The following PIK3AP1 variants were observed in gnomAD, a reference collection of about 807,000 sequenced individuals.
The protein encoded by PIK3AP1 is phosphoinositide-3-kinase adaptor protein 1, also known as phosphoinositide 3-kinase adapter protein 1.
PIK3AP1 carries 21 observed loss-of-function variants against 88.1 expected under a neutral mutation model. The ratio of observed to expected loss-of-function variants is 0.24; its 90% CI spans 0.17 to 0.34. PIK3AP1 has a LOEUF of 0.34. PIK3AP1 is among the 10% of genes least tolerant of loss of function. PIK3AP1 has a pLI of 1.00. For synonymous variants in PIK3AP1, 398 were observed against 400.0 expected (o/e 1.00, Z 0.06); for missense variants, 828 against 1,035.7 (o/e 0.80, Z 2.75).
rs143499575 is a variant in PIK3AP1, at chr10:96,655,649, G to C, written c.567+1149C>G. 7.1e-4 allele frequency among the ~76,000 whole-genome samples: 108 copies of C among 152,162 alleles called. 1 individual carries two copies. In the East Asian group the frequency reaches 0.02, roughly 29 times the overall value. On this transcript the variant is annotated intron_variant, in intron 3 of 16. Transcript: ENST00000339364. ...ACCTGGTGGGAGGTGATTGAATTAT[G>C]GGGGGGCGGGTCTTTCCTGTGCTGT...
intron 10 of PIK3AP1, among the ~76,000 whole-genome samples, chr10:96,624,734 G>C (rs1169257236): frequency 6.6e-6 from 1 of 151,860 alleles, no homozygotes; most frequent in South Asian, 2.1e-4. Context: ...TGCAAGAGCT[G>C]AGAGATGAAC....
intron 2 of PIK3AP1, among the ~76,000 whole-genome samples, chr10:96,673,395 G>A (rs1843874314): frequency 6.6e-6 from 1 of 152,158 alleles, no homozygotes. Flanking sequence ...CCACACCTGT[G>A]AGAAAGTGCT....
intron 8 of PIK3AP1, among the ~76,000 whole-genome samples, chr10:96,641,677 G>A (rs1843391307): frequency 1.3e-5 from 2 of 152,130 alleles, no homozygotes; most frequent in South Asian, 2.1e-4. Context: ...CTGGGAATTC[G>A]AAGACACAGA....
intron 8 of PIK3AP1, among the ~76,000 whole-genome samples, chr10:96,634,180 A>G (rs1300687722): frequency 6.6e-6 from 1 of 152,230 alleles, no homozygotes; most frequent in African/African-American, 2.4e-5. Flanking sequence ...GCGAGAGGCC[A>G]ACCTTCAGGA....
rs778677275 is a variant in PIK3AP1, at chr10:96,626,839, T to C, written c.1538A>G (p.Tyr513Cys). The change falls in exon 10 of 17, where the codon TAT becomes TGT. Residue 513 changes from tyrosine (Y) to cysteine (C), a missense_variant. By Grantham distance (194) the Tyr-to-Cys change is radical. This residue lies in a region of PIK3AP1 where 610 missense variants were observed against 760.1 expected (regional missense o/e 0.80). Coordinates refer to ENST00000339364, the MANE Select transcript of PIK3AP1 (RefSeq NM_152309.3). ...GGCCTCATCGTCATCCACCGTGTGA[T>C]AAACATCTTCTTCCTGACCAAGATG... ...QCHLGQEEDV[Y>C]HTVDDDEAFS... 3 of 1,614,208 alleles carry C rather than the reference T, an allele frequency of 1.9e-6. No homozygotes were observed. The highest frequency in any genetic ancestry group is 2.2e-5 in the East Asian group (1 of 44,890).
At chr10:96,643,739 T>A (rs1843422157) in intron 8 of PIK3AP1, among the ~76,000 whole-genome samples, 1 of 152,172 alleles carries the variant, frequency 6.6e-6, no homozygotes, top group African/African-American at 2.4e-5. Context: ...CTCCAAGGCA[T>A]CCTGTTGGTG....
chr10:96,648,946 TG>T (rs1447203809), intron 6 of PIK3AP1, 91 bp from the exon 7 acceptor site: 3 of 1,110,136 alleles, frequency 2.7e-6, no homozygotes, highest in Non-Finnish European at 3.7e-6. Context: ...AAGACTAGCA[TG>T]GCAACAGAAA....
At chr10:96,694,769 G>A (rs1443484767) in intron 2 of PIK3AP1, among the ~76,000 whole-genome samples, 1 of 151,992 alleles carries the variant, frequency 6.6e-6, no homozygotes, top group Non-Finnish European at 1.5e-5. Flanking sequence ...AAACTCCTGG[G>A]CTCAAGCAAT....
chr10:96,640,868 G>T (rs1266748151), intron 8 of PIK3AP1, among the ~76,000 whole-genome samples: 4 of 151,970 alleles, frequency 2.6e-5, no homozygotes. Flanking sequence ...TTGCTATGCT[G>T]CCCAGGCTGG....
At chr10:96,695,484 T>C (rs1844208028) in intron 2 of PIK3AP1, among the ~76,000 whole-genome samples, 2 of 152,222 alleles carry the variant, frequency 1.3e-5, no homozygotes, top group Admixed American at 6.5e-5. Context: ...TCCCCCGCTA[T>C]TTCCTGTGTT....
At chr10:96,678,904 C>A (rs1843962004) in intron 2 of PIK3AP1, among the ~76,000 whole-genome samples, 1 of 152,114 alleles carries the variant, frequency 6.6e-6, no homozygotes, top group Non-Finnish European at 1.5e-5. Flanking sequence ...AGGAGAGCGA[C>A]CCACTAATAC....
chr10:96,598,197 C>G (rs753927545), intron 16 of PIK3AP1, among the ~76,000 whole-genome samples: 1 of 151,984 alleles, frequency 6.6e-6, no homozygotes, highest in Non-Finnish European at 1.5e-5. Context: ...GCACACACCA[C>G]CACACCTGGC....
At chr10:96,620,041 G>A (rs975607562) in intron 12 of PIK3AP1, among the ~76,000 whole-genome samples, 2 of 152,208 alleles carry the variant, frequency 1.3e-5, no homozygotes, top group Admixed American at 6.5e-5. Context: ...AAAAAAGCTG[G>A]AAAGCAGAAG....
chr10:96,695,447 T>C (rs538952985), intron 2 of PIK3AP1, among the ~76,000 whole-genome samples: 2 of 152,348 alleles, frequency 1.3e-5, no homozygotes, highest in Admixed American at 1.3e-4. Context: ...AATTTAAAAG[T>C]AGAGCATTTT....
At chr10:96,671,791 A>G (rs1564979099) in intron 2 of PIK3AP1, among the ~76,000 whole-genome samples, 1 of 152,156 alleles carries the variant, frequency 6.6e-6, no homozygotes, top group African/African-American at 2.4e-5. Flanking sequence ...CTGTAATCTC[A>G]GCACTTTGGG....
rs1198337175 is a variant in PIK3AP1 at position 96,632,880 on chromosome 10, A to G, written c.1376-4387T>C. On this transcript the variant is annotated intron_variant, in intron 8 of 16. Coordinates refer to ENST00000339364, the MANE Select transcript of PIK3AP1 (RefSeq NM_152309.3). ...TATTTTTAGGTTCAATCGAACATTC[A>G]GACTCACAAGATGACCCTGGGACAT... is the stretch of plus-strand genomic sequence containing the variant. The G allele has an allele frequency of 1.9e-6, 3 of 1,611,474 alleles. No individual in the cohort carries two copies. The South Asian group carries it at 3.3e-5, about 18-fold the overall frequency.
At chr10:96,681,108 T>C (rs1195859947) in intron 2 of PIK3AP1, among the ~76,000 whole-genome samples, 3 of 152,152 alleles carry the variant, frequency 2.0e-5, no homozygotes, top group Non-Finnish European at 4.4e-5. Context: ...GGGTTGTTTT[T>C]TTCTCGGGCC....
chr10:96,652,276 T>C (rs1241445013), intron 4 of PIK3AP1, among the ~76,000 whole-genome samples: 1 of 152,082 alleles, frequency 6.6e-6, no homozygotes, highest in African/African-American at 2.4e-5. Context: ...GGACTACTCT[T>C]TAACAAATAT....
Position 96,602,871 on chromosome 10 carries a change from G to C in PIK3AP1, c.2242-473C>G, listed in dbSNP as rs151327840. On this transcript the variant is annotated intron_variant, in intron 15 of 16. Coordinates refer to ENST00000339364, the MANE Select transcript of PIK3AP1 (RefSeq NM_152309.3). The stretch of plus-strand genomic sequence containing the variant: ...AACTTACTCCCTGCTCGGAGGCCTA[G>C]TGGACTCAGGGGACTGTGGAGAAGC... Among the ~76,000 whole-genome samples the C allele has an allele frequency of 5.3e-5, 8 of 152,322 alleles. No homozygotes were observed. In the East Asian group the frequency reaches 1.3e-3, roughly 26 times the overall value.
Sources: gnomAD v4.1 joint callset for allele counts (sites outside exome capture counted in the v4.1 genomes callset) on GRCh38, gnomAD v4.1.1 for gene constraint, gnomAD v4.1.1 regional missense constraint, MANE v1.5 for transcripts, NCBI Gene and HGNC (gene_info 2026-07-23, HGNC 2026-07-21) for gene names.